The following SYT14 variants were observed in gnomAD, a reference collection of about 807,000 sequenced individuals.
SYT14 encodes the protein synaptotagmin 14.
In SYT14, 32 loss-of-function variants were observed where a neutral mutation model predicts 74.2. The observed-to-expected ratio is 0.43, with a 90% CI of 0.33 to 0.58. SYT14 has a LOEUF of 0.58. Ranked by LOEUF, SYT14 falls within the 20% of genes least tolerant of loss-of-function variation. SYT14 has a pLI of 0.05. For missense variants in SYT14, 791 were observed against 981.8 expected, an observed-to-expected ratio of 0.81 and a Z score of 2.60; for synonymous variants, 298 against 337.7, an observed-to-expected ratio of 0.88 and a Z score of 1.29.
rs544746719 is a variant in SYT14, at chr1:210,121,585, G to A, written c.2034+21124G>A. Reference sequence around the variant, plus strand: ...CAAGGTGGGCGGATCACAAGGTCAGGAGATTGAGACCATCCTGGCTAACAT... The same window carrying A: ...CAAGGTGGGCGGATCACAAGGTCAGAAGATTGAGACCATCCTGGCTAACAT... On this transcript the variant is annotated intron_variant, in intron 7 of 9. Transcript: ENST00000637265. Among the ~76,000 whole-genome samples the A allele has an allele frequency of 3.3e-5, 5 of 152,184 alleles. No homozygotes were observed. The South Asian group carries it at 6.2e-4, about 19-fold the overall frequency.
At chr1:210,089,243 T>C (rs1572279415) in intron 5 of SYT14, among the ~76,000 whole-genome samples, 2 of 152,166 alleles carry the variant, frequency 1.3e-5, no homozygotes, top group South Asian at 4.1e-4. Flanking sequence ...TATTCCATGG[T>C]GTATTTGTGC....
chr1:210,059,648 A>G (rs1030623766), intron 5 of SYT14, among the ~76,000 whole-genome samples: 2 of 151,992 alleles, frequency 1.3e-5, no homozygotes, highest in Non-Finnish European at 2.9e-5. Context: ...TTGGCAGGAT[A>G]AAATAATTTA....
At chr1:210,069,222 A>G (rs576437150) in intron 5 of SYT14, among the ~76,000 whole-genome samples, 73 of 152,030 alleles carry the variant, frequency 4.8e-4, no homozygotes, top group Admixed American at 2.9e-3. Context: ...ATTAATATCT[A>G]TTGTATCCAA....
chr1:210,171,206 A>G (rs894644566), exon 10 of SYT14: 6 of 152,320 alleles, frequency 3.9e-5, no homozygotes, highest in African/African-American at 1.4e-4. Context: ...TACTTCCAGC[A>G]ACAAAGATTT....
At chr1:210,003,705 G>A (rs906120727) in intron 2 of SYT14, among the ~76,000 whole-genome samples, 2 of 152,148 alleles carry the variant, frequency 1.3e-5, no homozygotes, top group Non-Finnish European at 2.9e-5. Context: ...AAAGCAGCTT[G>A]CTGACCAGTC....
At chr1:210,003,346 T>G (rs1287784194) in intron 2 of SYT14, among the ~76,000 whole-genome samples, 1 of 152,182 alleles carries the variant, frequency 6.6e-6, no homozygotes, top group East Asian at 1.9e-4. Context: ...TTCCTCCCTT[T>G]AGTTTTCATT....
intron 5 of SYT14, among the ~76,000 whole-genome samples, chr1:210,058,915 C>CAGA (rs548327733): frequency 6.0e-4 from 92 of 152,254 alleles, no homozygotes; most frequent in African/African-American, 2.1e-3. Context: ...GTTCCATGAA[C>CAGA]AGAAGCTTAG....
At chr1:210,082,804 T>C (rs977848125) in intron 5 of SYT14, among the ~76,000 whole-genome samples, 2 of 152,196 alleles carry the variant, frequency 1.3e-5, no homozygotes, top group Non-Finnish European at 2.9e-5. Flanking sequence ...AAAACAGAAA[T>C]GCTTTTCACT....
At chr1:210,056,367 G>A (rs191715571) in intron 5 of SYT14, among the ~76,000 whole-genome samples, 17 of 152,120 alleles carry the variant, frequency 1.1e-4, no homozygotes, top group African/African-American at 3.6e-4. Flanking sequence ...TTCATTAAGG[G>A]GTTCTGTGGA....
chr1:209,991,585 C>T (rs950722716), intron 2 of SYT14, among the ~76,000 whole-genome samples: 3 of 152,190 alleles, frequency 2.0e-5, no homozygotes, highest in Non-Finnish European at 4.4e-5. Context: ...AAGGAGATAC[C>T]GTCTTACACC....
intron 5 of SYT14, among the ~76,000 whole-genome samples, chr1:210,066,151 A>G (rs1426743224): frequency 5.9e-5 from 9 of 151,886 alleles, no homozygotes; most frequent in Non-Finnish European, 1.3e-4. Context: ...GTTGGTTCCA[A>G]GTCTTTGCTA....
At chr1:210,016,641 A>G in exon 4 of SYT14, 1 of 1,231,932 alleles carries the variant, frequency 8.1e-7, no homozygotes, top group South Asian at 4.1e-5. Flanking sequence ...TTGTATGAGC[A>G]AAAGAAATAT....
exon 10 of SYT14, chr1:210,169,225 T>TGTTG (rs1295652514): frequency 9.7e-6 from 1 of 103,248 alleles, no homozygotes; most frequent in Non-Finnish European, 1.8e-5. Context: ...TTTGGTGTTT[T>TGTTG]TTTTTTTTTT....
At chr1:210,170,216 CAT>C (rs1213518683) in exon 10 of SYT14, 2 of 152,128 alleles carry the variant, frequency 1.3e-5, no homozygotes, top group African/African-American at 2.4e-5. Context: ...AGTATAAACA[CAT>C]GTCTGTGTGG....
exon 10 of SYT14, chr1:210,167,717 CTT>C (rs1197859179): frequency 6.6e-6 from 1 of 152,038 alleles, no homozygotes; most frequent in Non-Finnish European, 1.5e-5. Flanking sequence ...TTAATATAAT[CTT>C]AAGGTAATCA....
chr1:210,147,861 G>T (rs1477079736), intron 7 of SYT14, among the ~76,000 whole-genome samples: 1 of 152,116 alleles, frequency 6.6e-6, no homozygotes, highest in African/African-American at 2.4e-5. Context: ...CTTGAAAGAG[G>T]TGAGGGAGTT....
At chr1:210,002,134 C>G (rs2079911461) in intron 2 of SYT14, among the ~76,000 whole-genome samples, 1 of 152,220 alleles carries the variant, frequency 6.6e-6, no homozygotes, top group African/African-American at 2.4e-5. Flanking sequence ...CCCATAAGAA[C>G]TATACATTTT....
At chr1:210,026,186 C>A (rs976858948) in intron 5 of SYT14, among the ~76,000 whole-genome samples, 1 of 151,648 alleles carries the variant, frequency 6.6e-6, no homozygotes. Context: ...TCCTTTTGTT[C>A]ACAGTTTTAA....
chr1:209,959,259 C>T (rs1164314150), intron 2 of SYT14, among the ~76,000 whole-genome samples: 1 of 152,136 alleles, frequency 6.6e-6, no homozygotes, highest in Non-Finnish European at 1.5e-5. Context: ...TCTCATGCCT[C>T]AGCCTCCTGA....
Sources: gnomAD v4.1 joint callset for allele counts (sites outside exome capture counted in the v4.1 genomes callset) on GRCh38, gnomAD v4.1.1 for gene constraint, MANE v1.5 for transcripts, NCBI Gene and HGNC (gene_info 2026-07-23, HGNC 2026-07-21) for gene names.